The following TYRO3 variants were observed in gnomAD, a reference collection of about 807,000 sequenced individuals.
TYRO3 encodes tyrosine-protein kinase receptor TYRO3.
Under a neutral mutation model 95.2 loss-of-function variants are expected in TYRO3, and 38 were observed. That is an observed-to-expected ratio of 0.40 (90% confidence interval 0.31 to 0.52). TYRO3 has a LOEUF of 0.52. Among genes scored for constraint, TYRO3 ranks in the 20% least tolerant of loss-of-function variants. TYRO3 has a pLI of 0.56. For missense variants in TYRO3, 812 were observed against 1,116.4 expected (o/e 0.73, Z 3.89); for synonymous variants, 367 against 432.9 (o/e 0.85, Z 1.89).
At chr15:41,560,393 A>ATGTGTG (rs369495054) in intron 1 of TYRO3, among the ~76,000 whole-genome samples, 11,127 of 120,134 alleles carry the variant, frequency 0.093, 583 homozygotes, top group Non-Finnish European at 0.11. Context: ...AGGTGCGTGT[A>ATGTGTG]TGTGTGTGTG....
intron 13 of TYRO3, 150 bp downstream of exon 13, chr15:41,571,268 C>G: frequency 1.3e-6 from 1 of 744,528 alleles, no homozygotes. Context: ...GAATAATTCA[C>G]AAGCATAAAC....
chr15:41,583,393 T>G lies in TYRO3; in HGVS notation c.*5117T>G, dbSNP rs759710044. 5 of 152,174 alleles carry G rather than the reference T, an allele frequency of 3.3e-5. No homozygotes were observed. The highest frequency in any genetic ancestry group is 2.6e-4 in the Admixed American group (4 of 15,234). The allele number at this position is 152,174 out of a possible 1,614,324, so 9.4% of individuals were successfully genotyped here. A position where few individuals can be genotyped will look rare whatever the true frequency, so the allele number is the denominator to read the frequency against. ...ATCTGCCCACCTTGGCCTCTCAAAG[T>G]GCGGAGATTACAGGTGTGAGCCACC... On this transcript the variant is annotated 3_prime_UTR_variant, in exon 19 of 19. Coordinates refer to ENST00000263798, the MANE Select transcript of TYRO3 (RefSeq NM_006293.4).
At chr15:41,575,226 G>A (rs1328258944) in intron 18 of TYRO3, among the ~76,000 whole-genome samples, 1 of 152,218 alleles carries the variant, frequency 6.6e-6, no homozygotes, top group East Asian at 1.9e-4. Flanking sequence ...ACCTACACCT[G>A]AGAGGGAAAT....
chr15:41,570,958 C>G lies in TYRO3; in HGVS notation c.1580-80C>G. 2.0e-6 allele frequency: 3 copies of G among 1,482,256 alleles called. No individual in the cohort carries two copies. The Admixed American group carries it at 5.1e-5, about 25-fold the overall frequency. 91.8% of individuals were successfully genotyped at this position (1,482,256 alleles called of 1,614,324 possible). A position where few individuals can be genotyped will look rare whatever the true frequency, so the allele number is the denominator to read the frequency against. On this transcript the variant is annotated intron_variant, in intron 12 of 18. Coordinates refer to ENST00000263798, the MANE Select transcript of TYRO3 (RefSeq NM_006293.4). ...GCCCCAGAGTCTGCTGACTGTGTTC[C>G]CATGGAGGGTCACTTGGGAGGAAGG...
chr15:41,576,392 C>T (rs1361823203), intron 18 of TYRO3, among the ~76,000 whole-genome samples: 1 of 151,754 alleles, frequency 6.6e-6, no homozygotes. Context: ...GGGGTTTCTC[C>T]ATGTTGATCA....
chr15:41,576,588 C>G (rs1164630908), intron 18 of TYRO3, among the ~76,000 whole-genome samples: 1 of 150,434 alleles, frequency 6.6e-6, no homozygotes, highest in Non-Finnish European at 1.5e-5. Context: ...TTCGGCCTCC[C>G]AAAGTGCTGG....
At chr15:41,560,443 G>GCA (rs1566897391) in intron 1 of TYRO3, among the ~76,000 whole-genome samples, 6 of 151,064 alleles carry the variant, frequency 4.0e-5, no homozygotes, top group African/African-American at 1.5e-4. Context: ...GCGCGCGCGC[G>GCA]CGCTCGCACG....
At position 41,569,765 on chromosome 15, in the gene TYRO3, TCAAA is replaced by T. The variant is rs778933095; in HGVS notation, c.1253-256_1253-253del. Among the ~76,000 whole-genome samples the T allele has an allele frequency of 8.9e-4, 136 of 152,266 alleles. 1 individual carries two copies. Among genetic ancestry groups the T allele is most frequent in the Non-Finnish European group, 1.0e-3 (69 of 68,016 alleles). On this transcript the variant is annotated intron_variant, in intron 9 of 18. Transcript: ENST00000263798. ...CTGGGCAACAGAACAAGACTGTGTC[TCAAA>T]CAAACTATATCTCATTCTCCTCTCT...
chr15:41,579,685 A>G lies in TYRO3; in HGVS notation c.*1409A>G, dbSNP rs1045728007. ...CTCTTAAATGTTTACTTTTTTTGAGATCACAAAGATGAAAGATTTTTATAG... is the reference window on the plus strand; with the variant it reads ...CTCTTAAATGTTTACTTTTTTTGAGGTCACAAAGATGAAAGATTTTTATAG... On this transcript the variant is annotated 3_prime_UTR_variant, in exon 19 of 19. Transcript: ENST00000263798. The G allele has an allele frequency of 1.3e-5, 2 of 151,440 alleles. No individual in the cohort carries two copies. Among genetic ancestry groups the G allele is most frequent in the African/African-American group, 4.9e-5 (2 of 41,206 alleles). The allele number at this position is 151,440 out of a possible 1,614,324, so 9.4% of individuals were successfully genotyped here.
chr15:41,571,737 C>A (rs371214149), intron 14 of TYRO3, 50 bp downstream of exon 14: 3 of 1,084,206 alleles, frequency 2.8e-6, no homozygotes, highest in African/African-American at 3.1e-5. Flanking sequence ...TAAAAATATG[C>A]TCTACCAATA....
chr15:41,565,206 A>G, intron 6 of TYRO3, 65 bp downstream of exon 6: 2 of 1,033,656 alleles, frequency 1.9e-6, no homozygotes, highest in Non-Finnish European at 3.0e-6. Flanking sequence ...TGACAGGGAT[A>G]TCACACTCAC....
At position 41,581,750 on chromosome 15, in the gene TYRO3, C is replaced by T. The variant is rs577080326; in HGVS notation, c.*3474C>T. 6.6e-6 allele frequency: 1 copy of T among 151,156 alleles called. No individual in the cohort carries two copies. The highest frequency in any genetic ancestry group is 2.1e-4 in the South Asian group (1 of 4,764). 9.4% of individuals were successfully genotyped at this position (151,156 alleles called of 1,614,324 possible). A position where few individuals can be genotyped will look rare whatever the true frequency, so the allele number is the denominator to read the frequency against. Reference sequence around the variant, plus strand: ...GGCTAAGGCAGGAGAATCACTTGAACCCTGGAGGCGGAGGTTGCAGTGAAC... The same window carrying T: ...GGCTAAGGCAGGAGAATCACTTGAATCCTGGAGGCGGAGGTTGCAGTGAAC... On this transcript the variant is annotated 3_prime_UTR_variant, in exon 19 of 19. Coordinates refer to ENST00000263798, the MANE Select transcript of TYRO3 (RefSeq NM_006293.4).
intron 11 of TYRO3, 88 bp from the exon 12 acceptor site, chr15:41,570,516 G>C: frequency 3.0e-6 from 4 of 1,354,512 alleles, no homozygotes; most frequent in Non-Finnish European, 4.1e-6. Context: ...TCATCTCTAT[G>C]CTCTGAGGGC....
chr15:41,562,845 C>A (rs370921432), intron 4 of TYRO3, 127 bp downstream of exon 4: 2 of 956,622 alleles, frequency 2.1e-6, no homozygotes, highest in Non-Finnish European at 3.1e-6. Context: ...TGTCTGGGGA[C>A]GTGAGCTGCA....
rs1018722890 is a variant in TYRO3 at position 41,570,273 on chromosome 15, G to C, written c.1416G>C (p.Glu472Asp). ...QAFDSVMARG[E>D]PAVHFRAARS... Reference sequence around the variant, plus strand: ...TTGACAGTGTCATGGCCCGGGGAGAGCCAGCCGTTCACTTCCGGGCAGCCC... The same window carrying C: ...TTGACAGTGTCATGGCCCGGGGAGACCCAGCCGTTCACTTCCGGGCAGCCC... Residue 472 changes from glutamate to aspartate, a missense_variant, in exon 11 of 19, where the codon GAG becomes GAC. Physicochemically the swap from Glu to Asp is conservative, Grantham distance 45 (BLOSUM62 2). Transcript: ENST00000263798. 9.9e-6 allele frequency: 16 copies of C among 1,614,050 alleles called. No homozygotes were observed. Among genetic ancestry groups the C allele is most frequent in the Middle Eastern group, 1.6e-4 (1 of 6,084 alleles).
rs751069987 is a variant in TYRO3, at chr15:41,571,086, C to T, written c.1628C>T (p.Ser543Phe). The T allele has an allele frequency of 6.2e-6, 10 of 1,613,986 alleles. No individual in the cohort carries two copies. Among genetic ancestry groups the T allele is most frequent in the Middle Eastern group, 1.6e-4 (1 of 6,062 alleles). ...REAQLKQEDG[S>F]FVKVAVKMLK... ...GCCCAGCTGAAGCAAGAGGATGGCT[C>T]CTTTGTGAAAGTGGCTGTGAAGATG... Residue 543 changes from serine to phenylalanine, a missense_variant, in exon 13 of 19, where the codon TCC becomes TTC. Ser to Phe is a radical substitution (Grantham distance 155). Coordinates refer to ENST00000263798, the MANE Select transcript of TYRO3 (RefSeq NM_006293.4).
At position 41,561,371 on chromosome 15, in the gene TYRO3, TG is replaced by T. The variant is rs10718149; in HGVS notation, c.308+65del. ...CAGGGGGCAGGCTATGCTCTTTCCT[TG>T]GGGATTGGGAGCTGGGGCCCTCTCC... On this transcript the variant is annotated intron_variant, in intron 2 of 18. Coordinates refer to ENST00000263798, the MANE Select transcript of TYRO3 (RefSeq NM_006293.4). 1.3e-3 allele frequency: 2,098 copies of T among 1,590,802 alleles called. 24 individuals are homozygous for T. In the African/African-American group the frequency reaches 0.025, roughly 19 times the overall value.
intron 18 of TYRO3, 131 bp downstream of exon 18, chr15:41,573,946 C>A (rs765983401): frequency 8.9e-5 from 87 of 980,906 alleles, no homozygotes; most frequent in Non-Finnish European, 1.2e-4. Flanking sequence ...GAAGGCTGCA[C>A]TCCACCTCAT....
intron 3 of TYRO3, chr15:41,562,257 C>T: frequency 3.8e-6 from 1 of 263,162 alleles, no homozygotes; most frequent in Non-Finnish European, 6.8e-6. Flanking sequence ...AGGCTAAGGC[C>T]AGAGGATCAC....
Sources: gnomAD v4.1 joint callset for allele counts (sites outside exome capture counted in the v4.1 genomes callset) on GRCh38, gnomAD v4.1.1 for gene constraint, MANE v1.5 for transcripts, NCBI Gene and HGNC (gene_info 2026-07-23, HGNC 2026-07-21) for gene names.